The following PCDHGB4 variants were observed in gnomAD, a reference collection of about 807,000 sequenced individuals.
PCDHGB4 encodes protocadherin gamma-B4.
In PCDHGB4, 38 loss-of-function variants were observed where a neutral mutation model predicts 60.5. The observed-to-expected ratio is 0.63, with a 90% CI of 0.48 to 0.82. The LOEUF is 0.82. Among genes scored for constraint, PCDHGB4 ranks in the 40% least tolerant of loss-of-function variants. PCDHGB4 has a pLI of 0.00. For missense variants in PCDHGB4, 1,109 were observed against 1,209.6 expected (o/e 0.92, Z 1.23); for synonymous variants, 456 against 509.7 (o/e 0.89, Z 1.42).
intron 1 of PCDHGB4, among the ~76,000 whole-genome samples, chr5:141,435,395 C>T (rs946113643): frequency 5.3e-5 from 8 of 152,198 alleles, no homozygotes; most frequent in East Asian, 3.9e-4. Context: ...ATTGCCATGA[C>T]GAAAAATGGT....
intron 1 of PCDHGB4, chr5:141,421,518 TGA>T: frequency 6.2e-7 from 1 of 1,614,058 alleles, no homozygotes; most frequent in Non-Finnish European, 8.5e-7. Flanking sequence ...AGGAGCTCTG[TGA>T]GACGGTGTCC....
At chr5:141,469,548 C>A (rs2099204726) in intron 1 of PCDHGB4, among the ~76,000 whole-genome samples, 1 of 152,212 alleles carries the variant, frequency 6.6e-6, no homozygotes, top group East Asian at 1.9e-4. Context: ...GCACTCCAGC[C>A]TGGCGACAGA....
chr5:141,494,882 C>T lies in PCDHGB4; in HGVS notation c.2456+17C>T, dbSNP rs771484301. On this transcript the variant is annotated intron_variant, in intron 2 of 3. Transcript: ENST00000519479. ...CACCAGCGGGTAGGTGACTGATTCT[C>T]CAGCCCACCCTCTTCTCTGCGGCAT... is the stretch of plus-strand genomic sequence containing the variant. 35 of 1,614,128 alleles carry T rather than the reference C, an allele frequency of 2.2e-5. No homozygotes were observed. The highest frequency in any genetic ancestry group is 3.3e-4 in the Middle Eastern group (2 of 6,060).
At position 141,487,382 on chromosome 5, in the gene PCDHGB4, T is replaced by A. The variant is rs755316738; in HGVS notation, c.2398-7425T>A. 6.2e-7 allele frequency: 1 copy of A among 1,614,172 alleles called. No individual in the cohort carries two copies. The highest frequency in any genetic ancestry group is 2.2e-5 in the East Asian group (1 of 44,854). On this transcript the variant is annotated intron_variant, in intron 1 of 3. Transcript: ENST00000519479. The surrounding 1 kb of genome is among the most constrained non-coding windows in gnomAD (Gnocchi z 5.0). ...TGGCACCTGTGCCTGTCTCACCAGA[T>A]CTCGAAGGAGGGAGGGGCTTCCCCC...
At position 141,398,135 on chromosome 5, in the gene PCDHGB4, G is replaced by A. The variant is rs771670845; in HGVS notation, c.2397+7854G>A. ...CTGAGGAGAGCAAGAGGGATGGGGAGCGGCGCCGGGGAGCTGGGCCGGGCT... is the reference window on the plus strand; with the variant it reads ...CTGAGGAGAGCAAGAGGGATGGGGAACGGCGCCGGGGAGCTGGGCCGGGCT... On this transcript the variant is annotated intron_variant, in intron 1 of 3. Transcript: ENST00000519479. 4 of 1,556,792 alleles carry A rather than the reference G, an allele frequency of 2.6e-6. No individual in the cohort carries two copies. Among genetic ancestry groups the A allele is most frequent in the Non-Finnish European group, 3.5e-6 (4 of 1,157,318 alleles).
intron 1 of PCDHGB4, chr5:141,422,905 G>A: frequency 6.2e-7 from 1 of 1,614,260 alleles, no homozygotes; most frequent in South Asian, 1.1e-5. Flanking sequence ...GAACGACAAT[G>A]CGCCCGAGAT....
intron 1 of PCDHGB4, chr5:141,402,883 G>A (rs1418475947): frequency 6.7e-7 from 1 of 1,483,116 alleles, no homozygotes; most frequent in South Asian, 1.4e-5. Flanking sequence ...ACTTTGCAGG[G>A]TGGAAGAAAG....
chr5:141,404,407 T>C, intron 1 of PCDHGB4: 1 of 1,613,944 alleles, frequency 6.2e-7, no homozygotes, highest in East Asian at 2.2e-5. Flanking sequence ...ATGAGAATTC[T>C]AGAGTTATTT....
chr5:141,469,676 A>G (rs1227075639), intron 1 of PCDHGB4, among the ~76,000 whole-genome samples: 1 of 152,250 alleles, frequency 6.6e-6, no homozygotes, highest in African/African-American at 2.4e-5. Context: ...ATAAAACTAC[A>G]TATGCATTGG....
intron 1 of PCDHGB4, chr5:141,392,725 A>G: frequency 7.1e-7 from 1 of 1,399,540 alleles, no homozygotes; most frequent in South Asian, 1.6e-5. Flanking sequence ...TTTCCGGAGG[A>G]TTGTCATCTC....
Position 141,476,715 on chromosome 5 carries a change from G to C in PCDHGB4, c.2398-18092G>C. 6.2e-7 allele frequency: 1 copy of C among 1,614,168 alleles called. No individual in the cohort carries two copies. The highest frequency in any genetic ancestry group is 8.5e-7 in the Non-Finnish European group (1 of 1,180,030). On this transcript the variant is annotated intron_variant, in intron 1 of 3. Transcript: ENST00000519479. The surrounding 1 kb of genome is among the most constrained non-coding windows in gnomAD (Gnocchi z 7.6). ...AAGTACGCGGAGCTGGTGTTGGAGC[G>C]CGCCCTGGACCGAGAACGGGAGCCT...
chr5:141,418,694 TATTCC>T, intron 1 of PCDHGB4: 2 of 1,614,044 alleles, frequency 1.2e-6, no homozygotes, highest in Non-Finnish European at 1.7e-6. Flanking sequence ...AGAGATCACT[TATTCC>T]TTCTTTGGTG....
intron 1 of PCDHGB4, among the ~76,000 whole-genome samples, chr5:141,450,968 G>A (rs756891993): frequency 5.5e-4 from 84 of 151,848 alleles, no homozygotes; most frequent in Non-Finnish European, 9.0e-4. Context: ...GGGATTACAG[G>A]CATGTGCCAC....
intron 1 of PCDHGB4, chr5:141,399,723 C>T: frequency 6.2e-7 from 1 of 1,613,322 alleles, no homozygotes; most frequent in Non-Finnish European, 8.5e-7. Flanking sequence ...AGGCCCGCGA[C>T]CAGGGCTCGC....
Position 141,487,649 on chromosome 5 carries a change from G to T in PCDHGB4, c.2398-7158G>T. The T allele has an allele frequency of 1.2e-6, 2 of 1,614,020 alleles. No individual in the cohort carries two copies. The highest frequency in any genetic ancestry group is 1.7e-6 in the Non-Finnish European group (2 of 1,179,968). The stretch of plus-strand genomic sequence containing the variant: ...TTTGCAGGCTCAACAAATGCTTGAG[G>T]GTTATTCTGATCCAGGCATATGGCT... On this transcript the variant is annotated intron_variant, in intron 1 of 3. Coordinates refer to ENST00000519479, the MANE Select transcript of PCDHGB4 (RefSeq NM_003736.4). This position sits in a 1 kb window ranked among gnomAD's most constrained non-coding sequence, Gnocchi z 5.0.
intron 1 of PCDHGB4, among the ~76,000 whole-genome samples, chr5:141,401,149 C>T (rs1398876381): frequency 6.6e-6 from 1 of 152,132 alleles, no homozygotes; most frequent in Non-Finnish European, 1.5e-5. Flanking sequence ...CAAGACCAGC[C>T]TGGGCAATAT....
At chr5:141,479,619 T>C (rs1327758222) in intron 1 of PCDHGB4, 1 of 152,220 alleles carries the variant, frequency 6.6e-6, no homozygotes, top group Non-Finnish European at 1.5e-5. Flanking sequence ...AGGGAAACCA[T>C]GTCTCTTTAA....
chr5:141,415,062 G>C, intron 1 of PCDHGB4: 1 of 1,613,426 alleles, frequency 6.2e-7, no homozygotes, highest in Non-Finnish European at 8.5e-7. Context: ...ACACGGGCGA[G>C]GTGCGCACGG....
At chr5:141,403,674 T>C in intron 1 of PCDHGB4, 2 of 1,613,812 alleles carry the variant, frequency 1.2e-6, no homozygotes, top group South Asian at 2.2e-5. Flanking sequence ...AATGCCCCGG[T>C]TTTTGCTCAA....
Sources: allele counts gnomAD v4.1 joint callset (sites outside exome capture counted in the v4.1 genomes callset), GRCh38; gene constraint gnomAD v4.1.1; non-coding constraint Gnocchi (gnomAD v3.1); transcripts MANE v1.5; gene names NCBI Gene and HGNC (gene_info 2026-07-23, HGNC 2026-07-21).